Variants in KTN1 observed in about 807,000 individuals in gnomAD.
KTN1 encodes kinectin.
KTN1 carries 130 observed loss-of-function variants against 222.5 expected under a neutral mutation model. That is an observed-to-expected ratio of 0.58 (90% confidence interval 0.51 to 0.68). KTN1 has a LOEUF of 0.68. Among genes scored for constraint, KTN1 ranks in the 30% least tolerant of loss-of-function variants. The pLI, the probability that KTN1 is intolerant of heterozygous loss-of-function variation, is 0.00. For missense variants in KTN1, 1,508 were observed against 1,500.4 expected (o/e 1.01, Z -0.08); for synonymous variants, 512 against 496.3 (o/e 1.03, Z -0.42).
In KTN1 at chr14:55,663,851, G is replaced by T. The variant is rs7153314; in HGVS notation, c.3091-104G>T. 4,758 of 650,598 alleles carry T rather than the reference G, an allele frequency of 7.3e-3. 196 individuals are homozygous for T. In the African/African-American group the frequency reaches 0.079, roughly 11 times the overall value. The allele number at this position is 650,598 out of a possible 1,614,324, so 40.3% of individuals were successfully genotyped here. On this transcript the variant is annotated intron_variant, in intron 32 of 43. Coordinates refer to ENST00000395314, the MANE Select transcript of KTN1 (RefSeq NM_001079521.2). ...CATATTTTCCCATTGAAATAATTTT[G>T]CAGTAACCAGCATTTAAATGCAGTG...
intron 18 of KTN1, among the ~76,000 whole-genome samples, chr14:55,645,537 CTT>C (rs925931157): frequency 1.3e-5 from 2 of 152,136 alleles, no homozygotes; most frequent in African/African-American, 4.8e-5. Flanking sequence ...AGTGTTATGT[CTT>C]TTTGTGAGAT....
chr14:55,650,594 T>C lies in KTN1; in HGVS notation c.2522T>C (p.Leu841Pro). The C allele has an allele frequency of 1.9e-6, 3 of 1,612,646 alleles. No individual in the cohort carries two copies. The highest frequency in any genetic ancestry group is 2.2e-5 in the South Asian group (2 of 91,012). ...VQDLKQEIKA[L>P]KEEIGNVQLE... is the part of the protein sequence containing the mutation. ...GATTTGAAACAGGAAATAAAGGCTC[T>C]AAAAGAAGAAATAGGAAATGTCCAG... Residue 841 changes from leucine to proline, a missense_variant, in exon 24 of 44, where the codon CTA becomes CCA. Transcript: ENST00000395314.
chr14:55,630,585 G>A (rs1182531297), intron 7 of KTN1, among the ~76,000 whole-genome samples: 1 of 152,084 alleles, frequency 6.6e-6, no homozygotes, highest in Non-Finnish European at 1.5e-5. Context: ...ATTGTCTAGA[G>A]TAACTGCTCT....
intron 29 of KTN1, 56 bp downstream of exon 29, chr14:55,656,188 T>C: frequency 1.6e-6 from 2 of 1,240,698 alleles, no homozygotes; most frequent in Non-Finnish European, 2.3e-6. Flanking sequence ...TTGCATGCTT[T>C]AAAATAATTT....
intron 1 of KTN1, among the ~76,000 whole-genome samples, chr14:55,583,021 A>G (rs2032084374): frequency 6.6e-6 from 1 of 152,200 alleles, no homozygotes; most frequent in South Asian, 2.1e-4. Flanking sequence ...TGTCCCAATC[A>G]AAAAATGTAA....
intron 1 of KTN1, among the ~76,000 whole-genome samples, chr14:55,611,353 CAGCCTCCTAA>C (rs1198484871): frequency 6.6e-6 from 1 of 150,598 alleles, no homozygotes; most frequent in Admixed American, 6.6e-5. Context: ...CCGTCTGCCT[CAGCCTCCTAA>C]AGTGGTGGGA....
chr14:55,639,186 C>A lies in KTN1; in HGVS notation c.1787C>A (p.Thr596Asn). Residue 596 changes from threonine to asparagine, a missense_variant and splice_region_variant, in exon 13 of 44, where the codon ACC becomes AAC. Coordinates refer to ENST00000395314, the MANE Select transcript of KTN1 (RefSeq NM_001079521.2). ...GTTGACACTATTTTTCTTTCTTAGA[C>A]CTCCGCTTCAGTTCTAGCAGAAGAA... The part of the protein sequence containing the change: ...QQFHSQIAAQ[T>N]SASVLAEELH... The A allele has an allele frequency of 6.2e-7, 1 of 1,600,060 alleles. No individual in the cohort carries two copies. Among genetic ancestry groups the A allele is most frequent in the African/African-American group, 1.3e-5 (1 of 74,590 alleles).
chr14:55,580,979 T>G (rs932203400), intron 1 of KTN1, among the ~76,000 whole-genome samples: 2 of 152,156 alleles, frequency 1.3e-5, no homozygotes, highest in Non-Finnish European at 2.9e-5. Flanking sequence ...GAAAGCAGCA[T>G]GAGGGGGGAC....
At chr14:55,639,037 C>G (rs190819960) in intron 12 of KTN1, 148 bp from the exon 13 acceptor site, 3 of 519,842 alleles carry the variant, frequency 5.8e-6, no homozygotes, top group Non-Finnish European at 1.0e-5. Context: ...GATAGTTACT[C>G]TTTATTGAAC....
intron 28 of KTN1, among the ~76,000 whole-genome samples, chr14:55,655,440 A>G (rs74053649): frequency 0.024 from 3,602 of 152,314 alleles, 123 homozygotes; most frequent in African/African-American, 0.078. Flanking sequence ...GTTCAGCTCA[A>G]CGAATACTTG....
At chr14:55,637,704 A>T in intron 11 of KTN1, 75 bp from the exon 12 acceptor site, 1 of 999,792 alleles carries the variant, frequency 1.0e-6, no homozygotes, top group Non-Finnish European at 1.5e-6. Context: ...AAATGTACCT[A>T]TAATACATTG....
At chr14:55,634,746 A>G in intron 9 of KTN1, 88 bp downstream of exon 9, 1 of 1,130,174 alleles carries the variant, frequency 8.8e-7, no homozygotes, top group East Asian at 2.8e-5. Flanking sequence ...ACTGCCCGAG[A>G]CTGGGTAAAT....
chr14:55,682,471 G>C (rs1037215447), intron 43 of KTN1: 6 of 152,072 alleles, frequency 3.9e-5, no homozygotes, highest in Non-Finnish European at 2.9e-5. Context: ...AACCAAATCA[G>C]AAAACTTTAT....
chr14:55,657,658 C>A lies in KTN1; in HGVS notation c.2893-888C>A, dbSNP rs146689370. Among the ~76,000 whole-genome samples the A allele has an allele frequency of 2.2e-4, 34 of 152,132 alleles. No individual in the cohort carries two copies. The East Asian group carries it at 6.4e-3, about 28-fold the overall frequency. ...GGGTGTGGTAGTTCACAGTAGTAAT[C>A]CCAGCACTTTGGGAGGCTGAGACAG... On this transcript the variant is annotated intron_variant, in intron 29 of 43. Transcript: ENST00000395314.
At chr14:55,676,907 A>T (rs917594561) in intron 41 of KTN1, among the ~76,000 whole-genome samples, 1 of 152,086 alleles carries the variant, frequency 6.6e-6, no homozygotes, top group Non-Finnish European at 1.5e-5. Flanking sequence ...TGCTTAATAC[A>T]CTGTTGTGGT....
chr14:55,612,486 C>T lies in KTN1; in HGVS notation c.438C>T (p.Val146=). The T allele has an allele frequency of 5.6e-6, 9 of 1,614,038 alleles. No individual in the cohort carries two copies. The highest frequency in any genetic ancestry group is 7.6e-6 in the Non-Finnish European group (9 of 1,179,978). Residue 146 remains valine, a synonymous_variant, in exon 2 of 44, where the codon GTC becomes GTT. Transcript: ENST00000395314. ...TTCCTGGCAAAAAAGTAGAACCTGT[C>T]CCAGTTACTAAACAGCCCACCCCTC... is the stretch of plus-strand genomic sequence containing the variant. ...SKIPGKKVEP[V]PVTKQPTPPS...
chr14:55,656,827 T>C (rs371594217), intron 29 of KTN1, among the ~76,000 whole-genome samples: 1 of 152,222 alleles, frequency 6.6e-6, no homozygotes, highest in Non-Finnish European at 1.5e-5. Context: ...GGCTGTTTTT[T>C]CTGCACAAAC....
chr14:55,601,292 G>A (rs1455385424), intron 1 of KTN1, among the ~76,000 whole-genome samples: 3 of 152,184 alleles, frequency 2.0e-5, no homozygotes, highest in African/African-American at 4.8e-5. Flanking sequence ...AGTTTAAAAG[G>A]AGAAATTGTA....
rs553349539 is a variant in KTN1 at position 55,652,712 on chromosome 14, T to C, written c.2604-138T>C. The C allele has an allele frequency of 7.4e-5, 45 of 609,870 alleles. No homozygotes were observed. In the East Asian group the frequency reaches 1.2e-3, roughly 16 times the overall value. The allele number at this position is 609,870 out of a possible 1,614,324, so 37.8% of individuals were successfully genotyped here. A position where few individuals can be genotyped will look rare whatever the true frequency, so the allele number is the denominator to read the frequency against. ...CTGCGCCTGGCCTTGTATGCCTTTA[T>C]ACTTGATAAGTTTTAGTTTAGTTCA... On this transcript the variant is annotated intron_variant, in intron 25 of 43. Transcript: ENST00000395314.
Sources: allele counts gnomAD v4.1 joint callset (sites outside exome capture counted in the v4.1 genomes callset), GRCh38; gene constraint gnomAD v4.1.1; transcripts MANE v1.5; gene names NCBI Gene and HGNC (gene_info 2026-07-23, HGNC 2026-07-21).